The following SH2D4A variants were observed in gnomAD, a reference collection of about 807,000 sequenced individuals.
The protein encoded by SH2D4A is SH2 domain-containing protein 4A.
SH2D4A carries 70 observed loss-of-function variants against 64.7 expected under a neutral mutation model. The ratio of observed to expected loss-of-function variants is 1.08; its 90% CI spans 0.89 to 1.32. SH2D4A has a LOEUF of 1.32. Ranked by LOEUF, SH2D4A falls within the 40% of genes most tolerant of loss-of-function variation. The pLI is 0.00. For synonymous variants in SH2D4A, 268 were observed against 200.7 expected, an observed-to-expected ratio of 1.34 and a Z score of -2.83; for missense variants, 706 against 540.1, an observed-to-expected ratio of 1.31 and a Z score of -3.04.
chr8:19,347,461 C>T (rs941969391), intron 4 of SH2D4A, among the ~76,000 whole-genome samples: 11 of 152,164 alleles, frequency 7.2e-5, no homozygotes, highest in African/African-American at 1.4e-4. Flanking sequence ...TGATGTCCCC[C>T]GTCCCCACTC....
intron 7 of SH2D4A, among the ~76,000 whole-genome samples, chr8:19,373,324 C>G (rs974035013): frequency 6.9e-6 from 1 of 144,410 alleles, no homozygotes; most frequent in African/African-American, 2.8e-5. Flanking sequence ...CTCTCTCTCC[C>G]CCCACCCCCA....
chr8:19,372,061 A>G (rs1021223278), intron 7 of SH2D4A, among the ~76,000 whole-genome samples: 28 of 152,166 alleles, frequency 1.8e-4, no homozygotes, highest in Admixed American at 1.8e-3. Context: ...TGGTGAGGTC[A>G]TATTGTCCTG....
rs377147930 is a variant in SH2D4A at position 19,316,209 on chromosome 8, C to A, written c.-205+2386C>A. On this transcript the variant is annotated intron_variant, in intron 1 of 9. Transcript: ENST00000265807. ...ACCACAGATAGTTGTCGGCTGGGTC[C>A]CCCAAGTATTCTTGGAGGCACAAGG... 4.6e-5 allele frequency among the ~76,000 whole-genome samples: 7 copies of A among 152,176 alleles called. No homozygotes were observed. The East Asian group carries it at 1.3e-3, about 29-fold the overall frequency.
chr8:19,313,768 G>T lies in SH2D4A; in HGVS notation c.-260G>T. The T allele has an allele frequency of 1.3e-6, 2 of 1,510,130 alleles. No individual in the cohort carries two copies. The highest frequency in any genetic ancestry group is 1.8e-6 in the Non-Finnish European group (2 of 1,134,880). The allele number at this position is 1,510,130 out of a possible 1,614,324, so 93.5% of individuals were successfully genotyped here. A position where few individuals can be genotyped will look rare whatever the true frequency, so the allele number is the denominator to read the frequency against. On this transcript the variant is annotated 5_prime_UTR_variant, in exon 1 of 10. Coordinates refer to ENST00000265807, the MANE Select transcript of SH2D4A (RefSeq NM_022071.4). ...CCTCCCTTCCCCGACGGCTTCTGGCGGCCAAGTGGATGTGGCGGGTGATCG... is the reference window on the plus strand; with the variant it reads ...CCTCCCTTCCCCGACGGCTTCTGGCTGCCAAGTGGATGTGGCGGGTGATCG...
chr8:19,371,656 T>G (rs1385949283), intron 7 of SH2D4A, among the ~76,000 whole-genome samples: 1 of 152,198 alleles, frequency 6.6e-6, no homozygotes, highest in Non-Finnish European at 1.5e-5. Context: ...GCATAAGCAT[T>G]TAACCCCTTT....
intron 2 of SH2D4A, among the ~76,000 whole-genome samples, chr8:19,326,025 C>T (rs552449679): frequency 1.3e-5 from 2 of 152,312 alleles, no homozygotes; most frequent in South Asian, 2.1e-4. Context: ...GCCACCCCAG[C>T]GTCCCTTTTC....
intron 5 of SH2D4A, among the ~76,000 whole-genome samples, chr8:19,360,456 A>C (rs995623852): frequency 9.9e-5 from 15 of 152,170 alleles, no homozygotes; most frequent in Admixed American, 9.2e-4. Context: ...TCTTCAAAAA[A>C]TACAAAAATT....
chr8:19,356,719 T>C (rs1204305938), intron 4 of SH2D4A, among the ~76,000 whole-genome samples: 1 of 152,038 alleles, frequency 6.6e-6, no homozygotes, highest in Non-Finnish European at 1.5e-5. Context: ...AAGAGGAGAA[T>C]TGTGGGCCAG....
chr8:19,334,405 G>A (rs1024648617), intron 3 of SH2D4A, among the ~76,000 whole-genome samples: 2 of 152,154 alleles, frequency 1.3e-5, no homozygotes, highest in Admixed American at 1.3e-4. Flanking sequence ...AGCAGACCAG[G>A]GTTCAGATCT....
At chr8:19,336,497 C>A (rs183259240) in intron 4 of SH2D4A, among the ~76,000 whole-genome samples, 47 of 152,286 alleles carry the variant, frequency 3.1e-4, no homozygotes, top group Non-Finnish European at 5.4e-4. Context: ...CAACACGGCT[C>A]CCCTTCCCAC....
intron 8 of SH2D4A, among the ~76,000 whole-genome samples, chr8:19,377,341 C>G (rs1386387535): frequency 2.0e-5 from 3 of 152,170 alleles, no homozygotes; most frequent in Non-Finnish European, 4.4e-5. Context: ...TAGATGGAGC[C>G]ACTGTACTCC....
At chr8:19,356,079 G>A (rs1197925067) in intron 4 of SH2D4A, among the ~76,000 whole-genome samples, 1 of 152,226 alleles carries the variant, frequency 6.6e-6, no homozygotes, top group East Asian at 1.9e-4. Flanking sequence ...CACTGCTGCT[G>A]TCACCATTCC....
At chr8:19,377,420 G>C (rs1263118318) in intron 8 of SH2D4A, among the ~76,000 whole-genome samples, 1 of 152,130 alleles carries the variant, frequency 6.6e-6, no homozygotes, top group Non-Finnish European at 1.5e-5. Context: ...GGTCCCCTTT[G>C]TTAGTTTTCT....
At chr8:19,317,511 ATC>A (rs2052110192) in intron 1 of SH2D4A, among the ~76,000 whole-genome samples, 2 of 14,656 alleles carry the variant, frequency 1.4e-4, no homozygotes, top group Non-Finnish European at 2.0e-4. Context: ...GTGTAGTTTC[ATC>A]AAGGGCCTGG....
intron 8 of SH2D4A, among the ~76,000 whole-genome samples, chr8:19,386,197 T>G (rs191633357): frequency 2.0e-5 from 3 of 152,338 alleles, no homozygotes; most frequent in Admixed American, 2.0e-4. Flanking sequence ...TTGTCCAAAT[T>G]ATCCTCCATG....
At chr8:19,327,849 C>T (rs2052305580) in intron 2 of SH2D4A, among the ~76,000 whole-genome samples, 2 of 152,216 alleles carry the variant, frequency 1.3e-5, no homozygotes, top group South Asian at 2.1e-4. Context: ...TTCTCACCAT[C>T]CCTTCCATCC....
chr8:19,319,871 G>T lies in SH2D4A; in HGVS notation c.181+143G>T, dbSNP rs191491915. Reference sequence around the variant, plus strand: ...CCTAAATGTTATTGAGAATCTAATAGTGCAGTATGTCCACCTGAAGTCTAC... The same window carrying T: ...CCTAAATGTTATTGAGAATCTAATATTGCAGTATGTCCACCTGAAGTCTAC... On this transcript the variant is annotated intron_variant, in intron 2 of 9. Coordinates refer to ENST00000265807, the MANE Select transcript of SH2D4A (RefSeq NM_022071.4). 94 of 733,100 alleles carry T rather than the reference G, an allele frequency of 1.3e-4. No homozygotes were observed. The Middle Eastern group carries it at 1.9e-3, about 15-fold the overall frequency. 45.4% of individuals were successfully genotyped at this position (733,100 alleles called of 1,614,324 possible).
intron 2 of SH2D4A, among the ~76,000 whole-genome samples, chr8:19,321,047 T>C (rs2052181715): frequency 6.6e-6 from 1 of 152,208 alleles, no homozygotes; most frequent in Non-Finnish European, 1.5e-5. Context: ...ATATGTCATT[T>C]CCTCTTGTTA....
At chr8:19,363,112 G>A (rs545398571) in intron 6 of SH2D4A, among the ~76,000 whole-genome samples, 8 of 152,042 alleles carry the variant, frequency 5.3e-5, no homozygotes, top group African/African-American at 1.9e-4. Flanking sequence ...TTTCGCTCTT[G>A]TCACCCAGGC....
Sources: allele counts gnomAD v4.1 joint callset (sites outside exome capture counted in the v4.1 genomes callset), GRCh38; gene constraint gnomAD v4.1.1; transcripts MANE v1.5; gene names NCBI Gene and HGNC (gene_info 2026-07-23, HGNC 2026-07-21).